BCL7A: variants seen among roughly 807,000 people sequenced by gnomAD.
The protein encoded by BCL7A is B-cell CLL/lymphoma 7 protein family member A.
Under a neutral mutation model 28.4 loss-of-function variants are expected in BCL7A, and 11 were observed. The observed-to-expected ratio is 0.39, with a 90% confidence interval of 0.24 to 0.64. The LOEUF (loss-of-function observed/expected upper bound fraction) is 0.64. Among genes scored for constraint, BCL7A ranks in the 30% least tolerant of loss-of-function variants. The probability of loss-of-function intolerance (pLI) is 0.50; values close to 1 mark genes in which losing one functional copy is unlikely to be tolerated. For missense variants in BCL7A, 222 were observed against 274.8 expected (o/e 0.81, Z 1.36); for synonymous variants, 123 against 103.3 (o/e 1.19, Z -1.15).
At chr12:122,040,338 C>T (rs1883940779) in intron 3 of BCL7A, among the ~76,000 whole-genome samples, 1 of 151,882 alleles carries the variant, frequency 6.6e-6, no homozygotes, top group African/African-American at 2.4e-5. Flanking sequence ...GGAGAGCAGC[C>T]TGGCCAAACA....
intron 2 of BCL7A, among the ~76,000 whole-genome samples, chr12:122,034,193 A>ATG: frequency 0.012 from 1 of 86 alleles, no homozygotes; most frequent in South Asian, 0.17. Context: ...CATCTTTCAT[A>ATG]TATATATATA....
intron 5 of BCL7A, among the ~76,000 whole-genome samples, chr12:122,055,908 C>T (rs1951875459): frequency 1.3e-5 from 2 of 152,204 alleles, no homozygotes; most frequent in Admixed American, 1.3e-4. Context: ...TGAGCCACTG[C>T]GCCTGGCAAC....
At chr12:122,056,330 C>T (rs1293652836) in intron 5 of BCL7A, among the ~76,000 whole-genome samples, 1 of 151,970 alleles carries the variant, frequency 6.6e-6, no homozygotes, top group Non-Finnish European at 1.5e-5. Context: ...CCAGGAGTCC[C>T]CCATTCTCAC....
intron 2 of BCL7A, among the ~76,000 whole-genome samples, chr12:122,031,317 T>C (rs796324359): frequency 2.8e-4 from 42 of 152,088 alleles, no homozygotes; most frequent in African/African-American, 9.6e-4. Flanking sequence ...CGTGAACCAG[T>C]GCGCCCGGCC....
At chr12:122,030,554 C>G in intron 1 of BCL7A, 146 bp from the exon 2 acceptor site, 1 of 731,904 alleles carries the variant, frequency 1.4e-6, no homozygotes, top group South Asian at 1.7e-5. Flanking sequence ...GTGGCCTGCC[C>G]AGGGCCTCCC....
chr12:122,025,254 T>C (rs1001778337), intron 1 of BCL7A, among the ~76,000 whole-genome samples: 3 of 150,616 alleles, frequency 2.0e-5, no homozygotes, highest in East Asian at 3.9e-4. Flanking sequence ...TCCCAGAGCT[T>C]TGGGAGGCTG....
intron 1 of BCL7A, among the ~76,000 whole-genome samples, chr12:122,023,971 G>A (rs1883546117): frequency 6.6e-6 from 1 of 152,306 alleles, no homozygotes; most frequent in African/African-American, 2.4e-5. Flanking sequence ...CCTACTCCAG[G>A]TTCCCGGCTG....
At chr12:122,025,672 G>A (rs1404615830) in intron 1 of BCL7A, among the ~76,000 whole-genome samples, 3 of 150,798 alleles carry the variant, frequency 2.0e-5, no homozygotes, top group Admixed American at 6.6e-5. Context: ...TAGTCTGGAC[G>A]CAGTGGCTCA....
intron 2 of BCL7A, among the ~76,000 whole-genome samples, chr12:122,034,833 T>C (rs756900718): frequency 8.5e-5 from 13 of 152,132 alleles, no homozygotes; most frequent in Non-Finnish European, 1.8e-4. Context: ...TCCCGGGGTC[T>C]TCCTTCCTAA....
chr12:122,060,961 T>TA lies in BCL7A; in HGVS notation c.*1809dup, dbSNP rs111336661. The TA allele has an allele frequency of 0.011, 2,309 of 205,608 alleles. 7 individuals carry two copies. The highest frequency in any genetic ancestry group is 0.015 in the Middle Eastern group (10 of 660). The allele number at this position is 205,608 out of a possible 1,614,324, so 12.7% of individuals were successfully genotyped here. A position where few individuals can be genotyped will look rare whatever the true frequency, so the allele number is the denominator to read the frequency against. On this transcript the variant is annotated 3_prime_UTR_variant, in exon 6 of 6. Transcript: ENST00000261822. The stretch of plus-strand genomic sequence containing the variant: ...TAGCAATGCCGAAAGGTTTCTGTCT[T>TA]AAAAAAAAAAATCCTTGTACTTATC...
At chr12:122,040,218 T>C (rs766814449) in intron 3 of BCL7A, among the ~76,000 whole-genome samples, 4 of 152,066 alleles carry the variant, frequency 2.6e-5, no homozygotes, top group African/African-American at 7.2e-5. Context: ...GCATTTGAGG[T>C]TGGTTCTTTG....
chr12:122,054,784 G>A, intron 4 of BCL7A, 21 bp from the exon 5 acceptor site: 1 of 1,608,720 alleles, frequency 6.2e-7, no homozygotes, highest in South Asian at 1.1e-5. Context: ...AACAGCTCCT[G>A]TCGTCTTGCT....
intron 3 of BCL7A, among the ~76,000 whole-genome samples, chr12:122,039,605 G>A (rs367741219): frequency 5.6e-4 from 83 of 149,548 alleles, no homozygotes; most frequent in Non-Finnish European, 9.2e-4. Context: ...TGTCATCCCA[G>A]CACTTTAGGA....
chr12:122,043,974 C>T lies in BCL7A; in HGVS notation c.360C>T (p.Asn120=), dbSNP rs1884015046. Residue 120 remains asparagine, a synonymous_variant, in exon 4 of 6, where the codon AAC becomes AAT. Transcript: ENST00000261822. ...SSNSSPAPEP[N]SAVPSDGTEA... Reference sequence around the variant, plus strand: ...ACTCCAGCCCCGCTCCAGAGCCCAACTCGGCTGTGCCCAGCGACGGCACCG... The same window carrying T: ...ACTCCAGCCCCGCTCCAGAGCCCAATTCGGCTGTGCCCAGCGACGGCACCG... The T allele has an allele frequency of 1.9e-6, 3 of 1,613,910 alleles. No homozygotes were observed. The highest frequency in any genetic ancestry group is 2.7e-5 in the African/African-American group (2 of 74,938).
intron 4 of BCL7A, among the ~76,000 whole-genome samples, chr12:122,050,077 A>ACTGATT: frequency 6.6e-6 from 1 of 152,260 alleles, no homozygotes; most frequent in Middle Eastern, 3.4e-3. Flanking sequence ...CCCGGGTTCA[A>ACTGATT]CTGATTCTTC....
At chr12:122,033,518 T>C (rs1332889784) in intron 2 of BCL7A, among the ~76,000 whole-genome samples, 2 of 152,106 alleles carry the variant, frequency 1.3e-5, no homozygotes, top group African/African-American at 4.8e-5. Flanking sequence ...TTCACCATGT[T>C]AGCCAGGATG....
intron 2 of BCL7A, among the ~76,000 whole-genome samples, chr12:122,033,124 C>T (rs1425493856): frequency 6.7e-6 from 1 of 149,730 alleles, no homozygotes; most frequent in African/African-American, 2.4e-5. Flanking sequence ...AGACAATTTA[C>T]ATATCATAGA....
chr12:122,021,943 T>TGG lies in BCL7A; in HGVS notation c.-148_-147insGG. ...GTGTGTGTGTGTATGTGTGTGTGTG[T>TGG]GTGTGTGTGTGTGTGAGTGTGTGCG... On this transcript the variant is annotated 5_prime_UTR_variant, in exon 1 of 6. An upstream open reading frame in the 5' UTR loses its in-frame stop. Transcript: ENST00000261822. The TGG allele has an allele frequency of 1.7e-6, 1 of 572,416 alleles. No individual in the cohort carries two copies. The highest frequency in any genetic ancestry group is 3.1e-6 in the Non-Finnish European group (1 of 321,500). The allele number at this position is 572,416 out of a possible 1,614,324, so 35.5% of individuals were successfully genotyped here. A position where few individuals can be genotyped will look rare whatever the true frequency, so the allele number is the denominator to read the frequency against.
intron 4 of BCL7A, among the ~76,000 whole-genome samples, chr12:122,048,883 T>G (rs1029498604): frequency 2.6e-5 from 4 of 151,692 alleles, no homozygotes; most frequent in African/African-American, 9.7e-5. Flanking sequence ...TAGCTGGGTG[T>G]GGTGGCGAGC....
Sources: allele counts gnomAD v4.1 joint callset (sites outside exome capture counted in the v4.1 genomes callset), GRCh38; gene constraint gnomAD v4.1.1; transcripts MANE v1.5; gene names NCBI Gene and HGNC (gene_info 2026-07-23, HGNC 2026-07-21).